Variants in GPHN observed in about 807,000 individuals in gnomAD.
GPHN encodes gephyrin.
GPHN carries 17 observed loss-of-function variants against 95.5 expected under a neutral mutation model. The observed-to-expected ratio is 0.18, with a 90% CI of 0.12 to 0.27. GPHN has a LOEUF of 0.27. Among genes scored for constraint, GPHN ranks in the 10% least tolerant of loss-of-function variants. The probability of loss-of-function intolerance (pLI) is 1.00; values close to 1 mark genes in which losing one functional copy is unlikely to be tolerated. For synonymous variants in GPHN, 320 were observed against 322.5 expected (o/e 0.99, Z 0.08); for missense variants, 660 against 978.1 (o/e 0.67, Z 4.34).
At chr14:66,961,812 G>A (rs2068918963) in intron 8 of GPHN, among the ~76,000 whole-genome samples, 1 of 148,100 alleles carries the variant, frequency 6.8e-6, no homozygotes, top group Admixed American at 6.8e-5. Context: ...ATTCTTTGTG[G>A]ACAGATGTAT....
chr14:67,361,650 G>A, the GPHN span, among the ~76,000 whole-genome samples: 1 of 152,194 alleles, frequency 6.6e-6, no homozygotes, highest in Non-Finnish European at 1.5e-5. Flanking sequence ...CCTACCATTT[G>A]TCATGCAAAA....
At chr14:67,009,481 T>C (rs1249527575) in intron 9 of GPHN, among the ~76,000 whole-genome samples, 1 of 152,090 alleles carries the variant, frequency 6.6e-6, no homozygotes. Context: ...TTTTTCAGCT[T>C]GAGTTAAAAC....
At chr14:67,010,702 G>A (rs1023203786) in intron 9 of GPHN, among the ~76,000 whole-genome samples, 4 of 152,074 alleles carry the variant, frequency 2.6e-5, no homozygotes, top group Admixed American at 2.6e-4. Flanking sequence ...GAGTTGGAAA[G>A]CTCTAATGGA....
chr14:66,913,689 A>G (rs1197941847), intron 5 of GPHN, among the ~76,000 whole-genome samples: 1 of 151,964 alleles, frequency 6.6e-6, no homozygotes, highest in Non-Finnish European at 1.5e-5. Context: ...ACTACTTACT[A>G]TCTTGTGTTG....
chr14:66,680,178 G>C (rs1275122274), intron 1 of GPHN, among the ~76,000 whole-genome samples: 1 of 152,138 alleles, frequency 6.6e-6, no homozygotes, highest in Non-Finnish European at 1.5e-5. Flanking sequence ...AGACTCTTCT[G>C]TCTGGTGACT....
intron 2 of GPHN, among the ~76,000 whole-genome samples, chr14:66,692,187 C>A (rs1007098520): frequency 6.6e-6 from 1 of 152,086 alleles, no homozygotes; most frequent in Non-Finnish European, 1.5e-5. Flanking sequence ...ACCTGCTAAC[C>A]TTCTTATAGT....
At chr14:67,352,081 T>C in the GPHN span, among the ~76,000 whole-genome samples, 3 of 151,888 alleles carry the variant, frequency 2.0e-5, no homozygotes, top group Non-Finnish European at 2.9e-5. Context: ...GCCCAGGTGG[T>C]TGAGACCACC....
intron 1 of GPHN, among the ~76,000 whole-genome samples, chr14:66,587,674 T>C (rs1237310086): frequency 6.6e-6 from 1 of 152,106 alleles, no homozygotes; most frequent in African/African-American, 2.4e-5. Context: ...ATCTAAAATA[T>C]TAAGTAAAGA....
chr14:66,712,408 A>T (rs1165312856), intron 2 of GPHN, among the ~76,000 whole-genome samples: 5 of 152,046 alleles, frequency 3.3e-5, no homozygotes, highest in Admixed American at 6.5e-5. Flanking sequence ...GTCTGTTCAT[A>T]TCCTTTGCCC....
At chr14:67,183,923 A>G (rs2083355128), downstream of GPHN, among the ~76,000 whole-genome samples, 1 of 151,610 alleles carries the variant, frequency 6.6e-6, no homozygotes, top group South Asian at 2.1e-4. Flanking sequence ...CATGATCTCA[A>G]CTCACTGCAG....
the GPHN span, chr14:67,579,698 T>G: frequency 6.2e-7 from 1 of 1,608,606 alleles, no homozygotes; most frequent in Admixed American, 1.7e-5. Context: ...TCACTCAGGG[T>G]TGGAACTCTT....
At chr14:66,786,374 AG>A (rs536766405) in intron 3 of GPHN, among the ~76,000 whole-genome samples, 94 of 152,236 alleles carry the variant, frequency 6.2e-4, no homozygotes, top group African/African-American at 2.1e-3. Flanking sequence ...AAAGCCATTA[AG>A]TAACTTAAAT....
intron 1 of GPHN, among the ~76,000 whole-genome samples, chr14:66,607,658 A>C (rs934115839): frequency 1.3e-5 from 2 of 151,346 alleles, no homozygotes; most frequent in African/African-American, 4.9e-5. Context: ...GTAGGTTTTT[A>C]ATTACTGACT....
chr14:67,145,318 A>G (rs1215983717), intron 18 of GPHN, among the ~76,000 whole-genome samples: 2 of 152,214 alleles, frequency 1.3e-5, no homozygotes, highest in African/African-American at 4.8e-5. Context: ...AGGCTTGGCA[A>G]TTGTGGCTCA....
At chr14:67,408,574 C>A in the GPHN span, among the ~76,000 whole-genome samples, 1 of 152,066 alleles carries the variant, frequency 6.6e-6, no homozygotes, top group Non-Finnish European at 1.5e-5. Flanking sequence ...AAAATTTGGA[C>A]ACTAAGAGAC....
At chr14:67,501,541 T>C in the GPHN span, among the ~76,000 whole-genome samples, 1 of 152,092 alleles carries the variant, frequency 6.6e-6, no homozygotes, top group African/African-American at 2.4e-5. Context: ...AGATAAATGA[T>C]ATTTTAAAAA....
the GPHN span, chr14:67,600,292 C>T: frequency 8.6e-7 from 1 of 1,158,204 alleles, no homozygotes; most frequent in Non-Finnish European, 1.2e-6. Flanking sequence ...CCGCTTCCGG[C>T]AGCCGCGTCA....
chr14:66,729,720 T>C (rs1458414520), intron 2 of GPHN, among the ~76,000 whole-genome samples: 1 of 152,256 alleles, frequency 6.6e-6, no homozygotes, highest in Non-Finnish European at 1.5e-5. Context: ...TGATTCAATT[T>C]GCATTTAATT....
At chr14:67,280,894 T>C in the GPHN span, among the ~76,000 whole-genome samples, 27,735 of 134,206 alleles carry the variant, frequency 0.21, 6,483 homozygotes, top group African/African-American at 0.55. Context: ...TTCTTTCTTT[T>C]CTTTCTTTCT....
Sources: allele counts gnomAD v4.1 joint callset (sites outside exome capture counted in the v4.1 genomes callset), GRCh38; gene constraint gnomAD v4.1.1; transcripts MANE v1.5; gene names NCBI Gene and HGNC (gene_info 2026-07-23, HGNC 2026-07-21).